OR2T11: variants seen among roughly 807,000 people sequenced by gnomAD.
OR2T11 encodes olfactory receptor 2T11.
A neutral mutation model predicts 13.5 loss-of-function variants in OR2T11; 14 were observed. That is an observed-to-expected ratio of 1.04 (90% CI 0.69 to 1.62). The LOEUF is 1.62. Ranked by LOEUF, OR2T11 falls within the 40% of genes most tolerant of loss-of-function variation. The probability of loss-of-function intolerance (pLI) is 0.00; values close to 1 mark genes in which losing one functional copy is unlikely to be tolerated. For missense variants in OR2T11, 410 were observed against 389.7 expected, an observed-to-expected ratio of 1.05 and a Z score of -0.44; for synonymous variants, 163 against 154.6, an observed-to-expected ratio of 1.05 and a Z score of -0.40.
intron 1 of OR2T11, among the ~76,000 whole-genome samples, chr1:248,630,514 G>A (rs925714620): frequency 1.4e-5 from 2 of 143,674 alleles, no homozygotes; most frequent in Admixed American, 6.8e-5. Flanking sequence ...CAATTAATAG[G>A]TTGAAGATAA....
rs1458222019 is a variant in OR2T11, at chr1:248,627,265, G to A, written c.-137C>T. 1.9e-5 allele frequency: 11 copies of A among 587,366 alleles called. No homozygotes were observed. The highest frequency in any genetic ancestry group is 3.0e-5 in the Non-Finnish European group (10 of 337,446). 36.4% of individuals were successfully genotyped at this position (587,366 alleles called of 1,614,324 possible). ...GGTACCGTCAGGATGAAGCTTCCAG[G>A]CTAGAGGCTAGAGAAGAACAGGCAG... On this transcript the variant is annotated 5_prime_UTR_variant, in exon 2 of 2. Transcript: ENST00000641193.
Position 248,626,973 on chromosome 1 carries a change from G to A in OR2T11, c.156C>T (p.Leu52=). 6.4e-7 allele frequency: 1 copy of A among 1,571,928 alleles called. No homozygotes were observed. Among genetic ancestry groups the A allele is most frequent in the Middle Eastern group, 1.7e-4 (1 of 5,974 alleles). Residue 52 remains leucine (L), a synonymous_variant, in exon 2 of 2, where the codon CTC becomes CTT. Coordinates refer to ENST00000641193, the MANE Select transcript of OR2T11 (RefSeq NM_001001964.2). The part of the protein sequence containing the change: ...MIFLIQVDSR[L]HTPMYFLLSQ... The stretch of plus-strand genomic sequence containing the variant: ...TGAGCAGAAAGTACATGGGGGTGTG[G>A]AGGCGAGAGTCCACCTGAATCAAGA...
chr1:248,634,183 GTATT>G (rs1231065157), intron 1 of OR2T11, among the ~76,000 whole-genome samples: 41 of 141,794 alleles, frequency 2.9e-4, no homozygotes, highest in African/African-American at 1.2e-3. Context: ...TATTACACTA[GTATT>G]TATTAAGGGC....
chr1:248,626,945 G>T lies in OR2T11; in HGVS notation c.184C>A (p.Gln62Lys). The T allele has an allele frequency of 6.4e-7, 1 of 1,572,020 alleles. No homozygotes were observed. The highest frequency in any genetic ancestry group is 1.1e-5 in the South Asian group (1 of 88,856). The part of the protein sequence containing the change: ...LHTPMYFLLS[Q>K]LSIMDTLFIC... ...AAAAGGGTGTCCATGATGGACAGCTGACTGAGCAGAAAGTACATGGGGGTG... is the reference window on the plus strand; with the variant it reads ...AAAAGGGTGTCCATGATGGACAGCTTACTGAGCAGAAAGTACATGGGGGTG... Residue 62 changes from glutamine to lysine, a missense_variant, in exon 2 of 2, where the codon CAG becomes AAG. Transcript: ENST00000641193.
chr1:248,626,780 A>G lies in OR2T11; in HGVS notation c.349T>C (p.Tyr117His), dbSNP rs768853348. The G allele has an allele frequency of 6.4e-7, 1 of 1,569,362 alleles. No individual in the cohort carries two copies. The highest frequency in any genetic ancestry group is 1.7e-5 in the Admixed American group (1 of 58,296). ...SEFFLLGLMA[Y>H]DCYVAVCNPL... ...TTACAGACAGCCACGTAGCAGTCAT[A>G]GGCCATGAGGCCCAGGAGGAAGAAC... Residue 117 changes from tyrosine (Y) to histidine (H), a missense_variant, in exon 2 of 2, where the codon TAT (tyrosine) becomes CAT (histidine). Tyr to His is a moderately conservative substitution (Grantham distance 83). Transcript: ENST00000641193.
rs1660517929 is a variant in OR2T11, at chr1:248,626,343, G to A, written c.786C>T (p.Phe262=). 4.4e-6 allele frequency: 7 copies of A among 1,573,562 alleles called. No individual in the cohort carries two copies. Among genetic ancestry groups the A allele is most frequent in the Non-Finnish European group, 6.1e-6 (7 of 1,156,726 alleles). The change falls in exon 2 of 2, where the codon TTC becomes TTT. Residue 262 remains phenylalanine (F), a synonymous_variant. Coordinates refer to ENST00000641193, the MANE Select transcript of OR2T11 (RefSeq NM_001001964.2). ...CTACTTTGTCCTGCTCGGGGGTGTG[G>A]AAGGACTGGGGCAGCACGTATGTGT... ...AFYTYVLPQS[F]HTPEQDKVVS...
rs551766188 is a variant in OR2T11 at position 248,632,628 on chromosome 1, C to T, written c.-145+2410G>A. Among the ~76,000 whole-genome samples the T allele has an allele frequency of 3.9e-3, 471 of 119,740 alleles. 72 individuals are homozygous for T. The highest frequency in any genetic ancestry group is 0.016 in the African/African-American group (454 of 28,586). 78.6% of individuals were successfully genotyped at this position (119,740 alleles called of 152,430 possible). On this transcript the variant is annotated intron_variant, in intron 1 of 1. Transcript: ENST00000641193. ...GGAAAATTAACGCTGTTTTTGGCCT[C>T]TTGCCAATCAAGCGGTCTTTTCAGG...
Position 248,626,908 on chromosome 1 carries a change from G to A in OR2T11, c.221C>T (p.Thr74Ile). Residue 74 changes from threonine to isoleucine, a missense_variant, in exon 2 of 2, where the codon ACT (threonine) becomes ATT (isoleucine). Physicochemically the swap from Thr to Ile is moderately conservative, Grantham distance 89. Transcript: ENST00000641193. ...SIMDTLFICT[T>I]VPKLLADMVS... ...CATGTCTGCCAGGAGTTTTGGGACA[G>A]TGGTACAGATGAAAAGGGTGTCCAT... 3 of 1,570,566 alleles carry A rather than the reference G, an allele frequency of 1.9e-6. No homozygotes were observed. Among genetic ancestry groups the A allele is most frequent in the Non-Finnish European group, 8.7e-7 (1 of 1,154,434 alleles).
In OR2T11 at chr1:248,628,904, C is replaced by T. The variant is rs776404806; in HGVS notation, c.-144-1632G>A. Among the ~76,000 whole-genome samples, 5 of 142,880 alleles carry T rather than the reference C, an allele frequency of 3.5e-5. No individual in the cohort carries two copies. The South Asian group carries it at 1.1e-3, about 31-fold the overall frequency. The allele number at this position is 142,880 out of a possible 152,430, so 93.7% of individuals were successfully genotyped here. Reference sequence around the variant, plus strand: ...CTTAGCCTCCTGATCCACTCCTGATCGTTTCAATTCTATTCCATTTCCCAA... The same window carrying T: ...CTTAGCCTCCTGATCCACTCCTGATTGTTTCAATTCTATTCCATTTCCCAA... On this transcript the variant is annotated intron_variant, in intron 1 of 1. Transcript: ENST00000641193.
rs545191828 is a variant in OR2T11 at position 248,632,198 on chromosome 1, G to C, written c.-145+2840C>G. ...AAGAAAAATTACAGAAGTGTGAACT[G>C]AGTTTAAATCCTTGTGGAATCAATT... On this transcript the variant is annotated intron_variant, in intron 1 of 1. Transcript: ENST00000641193. 7.7e-5 allele frequency among the ~76,000 whole-genome samples: 11 copies of C among 143,718 alleles called. 1 individual carries two copies. Among genetic ancestry groups the C allele is most frequent in the Admixed American group, 6.8e-4 (10 of 14,718 alleles). 94.3% of individuals were successfully genotyped at this position (143,718 alleles called of 152,430 possible). A position where few individuals can be genotyped will look rare whatever the true frequency, so the allele number is the denominator to read the frequency against.
In OR2T11 at chr1:248,634,185, AT is replaced by A. The variant is rs554846248; in HGVS notation, c.-145+852del. On this transcript the variant is annotated intron_variant, in intron 1 of 1. Transcript: ENST00000641193. ...GTTTTCATTCGTTTATTACACTAGT[AT>A]TTATTAAGGGCAAATTCTATGTTAG... is the stretch of plus-strand genomic sequence containing the variant. 6.3e-3 allele frequency among the ~76,000 whole-genome samples: 895 copies of A among 142,336 alleles called. 184 individuals are homozygous for A. Among genetic ancestry groups the A allele is most frequent in the African/African-American group, 0.024 (869 of 36,050 alleles). The allele number at this position is 142,336 out of a possible 152,430, so 93.4% of individuals were successfully genotyped here.
chr1:248,627,667 A>G (rs1214413697), intron 1 of OR2T11, among the ~76,000 whole-genome samples: 3 of 143,444 alleles, frequency 2.1e-5, no homozygotes, highest in Non-Finnish European at 4.5e-5. Context: ...AATTATTTGT[A>G]TAAGTTTAAG....
intron 1 of OR2T11, among the ~76,000 whole-genome samples, chr1:248,633,007 A>G (rs1660633945): frequency 1.6e-5 from 1 of 61,770 alleles, no homozygotes; most frequent in Non-Finnish European, 3.4e-5. Context: ...GGGAATTACA[A>G]TGGGTTTTCT....
intron 1 of OR2T11, among the ~76,000 whole-genome samples, chr1:248,630,055 A>G (rs1372507239): frequency 2.1e-5 from 3 of 143,596 alleles, no homozygotes; most frequent in Non-Finnish European, 4.5e-5. Context: ...CGACTGGCAC[A>G]TTGTAAATCT....
rs1301810309 is a variant in OR2T11, at chr1:248,632,411, G to A, written c.-145+2627C>T. On this transcript the variant is annotated intron_variant, in intron 1 of 1. Coordinates refer to ENST00000641193, the MANE Select transcript of OR2T11 (RefSeq NM_001001964.2). ...TCAGACTTTATATTCTTATGGTGAT[G>A]TTTACTTTTGTTGTAACACACTAGA... 5.9e-5 allele frequency among the ~76,000 whole-genome samples: 8 copies of A among 135,720 alleles called. 1 individual carries two copies. The highest frequency in any genetic ancestry group is 5.0e-4 in the Admixed American group (7 of 13,904). The allele number at this position is 135,720 out of a possible 152,430, so 89.0% of individuals were successfully genotyped here. A position where few individuals can be genotyped will look rare whatever the true frequency, so the allele number is the denominator to read the frequency against.
chr1:248,634,866 T>C (rs1169004616), intron 1 of OR2T11, among the ~76,000 whole-genome samples, 172 bp downstream of exon 1: 5 of 143,534 alleles, frequency 3.5e-5, no homozygotes, highest in African/African-American at 1.4e-4. Flanking sequence ...TCAGTTTCTC[T>C]GATCATTCCT....
chr1:248,632,509 A>G (rs1197833892), intron 1 of OR2T11, among the ~76,000 whole-genome samples: 1 of 137,468 alleles, frequency 7.3e-6, no homozygotes, highest in African/African-American at 2.9e-5. Flanking sequence ...CCTGCTGTGG[A>G]TTGGGGACAG....
In OR2T11 at chr1:248,624,134, C is replaced by T. The variant is rs763564179; in HGVS notation, c.*2044G>A. Reference sequence around the variant, plus strand: ...ACTTCTAAACTGGTTTCTGTGCTTTCGGCCACTCTCAAAGGCCATCTTTCT... The same window carrying T: ...ACTTCTAAACTGGTTTCTGTGCTTTTGGCCACTCTCAAAGGCCATCTTTCT... On this transcript the variant is annotated 3_prime_UTR_variant, in exon 2 of 2. Transcript: ENST00000641193. 2 of 142,954 alleles carry T rather than the reference C, an allele frequency of 1.4e-5. No homozygotes were observed. Among genetic ancestry groups the T allele is most frequent in the Non-Finnish European group, 3.0e-5 (2 of 66,202 alleles). The allele number at this position is 142,954 out of a possible 1,614,324, so 8.9% of individuals were successfully genotyped here. A position where few individuals can be genotyped will look rare whatever the true frequency, so the allele number is the denominator to read the frequency against.
chr1:248,629,614 C>T (rs1195731432), intron 1 of OR2T11, among the ~76,000 whole-genome samples: 1 of 137,980 alleles, frequency 7.2e-6, no homozygotes, highest in Non-Finnish European at 1.5e-5. Flanking sequence ...CATCCCGCCA[C>T]GCCACTTTCT....
Sources: gnomAD v4.1 joint callset for allele counts (sites outside exome capture counted in the v4.1 genomes callset) on GRCh38, gnomAD v4.1.1 for gene constraint, MANE v1.5 for transcripts, NCBI Gene and HGNC (gene_info 2026-07-23, HGNC 2026-07-21) for gene names.